The following NF1 variants were observed in gnomAD, a reference collection of about 807,000 sequenced individuals.
The protein encoded by NF1 is neurofibromin.
Under a neutral mutation model 325.7 loss-of-function variants are expected in NF1, and 122 were observed. The observed-to-expected ratio is 0.37, with a 90% CI of 0.32 to 0.44. The LOEUF is 0.44. NF1 is among the 20% of genes least tolerant of loss of function. The pLI is 1.00. For synonymous variants in NF1, 1,091 were observed against 1,186.0 expected (o/e 0.92, Z 1.65); for missense variants, 2,140 against 3,415.4 (o/e 0.63, Z 9.31).
At chr17:31,246,875 C>A (rs886853899) in intron 29 of NF1, among the ~76,000 whole-genome samples, 2 of 152,084 alleles carry the variant, frequency 1.3e-5, no homozygotes. Context: ...ATCACAACAT[C>A]AGAGTTTAGA....
At chr17:31,144,899 A>C (rs1202836252) in intron 1 of NF1, among the ~76,000 whole-genome samples, 1 of 152,250 alleles carries the variant, frequency 6.6e-6, no homozygotes, top group African/African-American at 2.4e-5. Flanking sequence ...TTATTGCGGG[A>C]AAGCATGTGG....
chr17:31,235,421 A>G (rs1279926660), intron 27 of NF1, among the ~76,000 whole-genome samples, 190 bp from the exon 28 acceptor site: 2 of 152,224 alleles, frequency 1.3e-5, no homozygotes, highest in Middle Eastern at 3.2e-3. Context: ...TATCATAGAC[A>G]TTGTATATAG....
intron 8 of NF1, among the ~76,000 whole-genome samples, chr17:31,192,015 A>G (rs1405488949): frequency 6.6e-6 from 1 of 152,148 alleles, no homozygotes; most frequent in African/African-American, 2.4e-5. Context: ...GTAATCCTAC[A>G]TTTTTAGTCT....
chr17:31,221,082 C>G (rs971661513), intron 14 of NF1, among the ~76,000 whole-genome samples: 4 of 151,946 alleles, frequency 2.6e-5, no homozygotes, highest in Admixed American at 2.0e-4. Context: ...TTCACAGTTT[C>G]TGCTGGGTTG....
At chr17:31,237,155 A>T (rs1490281170) in intron 29 of NF1, among the ~76,000 whole-genome samples, 1 of 152,170 alleles carries the variant, frequency 6.6e-6, no homozygotes, top group African/African-American at 2.4e-5. Flanking sequence ...ACTGTGTATC[A>T]GTTGATATTT....
intron 1 of NF1, among the ~76,000 whole-genome samples, chr17:31,100,952 A>G (rs1912271042): frequency 6.6e-6 from 1 of 152,074 alleles, no homozygotes; most frequent in African/African-American, 2.4e-5. Context: ...TCTGTCTGGG[A>G]ACTAATTTAG....
At chr17:31,296,702 T>C in intron 36 of NF1, 1 of 255,062 alleles carries the variant, frequency 3.9e-6, no homozygotes, top group South Asian at 5.2e-5. Context: ...ATTACTATTT[T>C]TGATGATATG....
At chr17:31,316,583 G>C (rs1645444979) in intron 36 of NF1, among the ~76,000 whole-genome samples, 1 of 152,114 alleles carries the variant, frequency 6.6e-6, no homozygotes, top group Non-Finnish European at 1.5e-5. Flanking sequence ...GGAGTGCTTT[G>C]TGTTACTCCT....
intron 5 of NF1, among the ~76,000 whole-genome samples, chr17:31,170,946 A>G (rs2065919234): frequency 6.6e-6 from 1 of 152,198 alleles, no homozygotes; most frequent in South Asian, 2.1e-4. Context: ...GAATTGTCAA[A>G]CAATAATATT....
chr17:31,174,870 G>A (rs1243790836), intron 5 of NF1, among the ~76,000 whole-genome samples: 1 of 152,070 alleles, frequency 6.6e-6, no homozygotes, highest in Non-Finnish European at 1.5e-5. Context: ...CAGCACTTTG[G>A]GAGGCCTACG....
At chr17:31,247,056 G>A (rs771866678) in intron 29 of NF1, among the ~76,000 whole-genome samples, 5 of 151,912 alleles carry the variant, frequency 3.3e-5, no homozygotes, top group African/African-American at 9.7e-5. Context: ...TTACCTGGGC[G>A]TGGTGGTGGT....
chr17:31,272,926 T>A (rs2067930100), intron 36 of NF1, among the ~76,000 whole-genome samples: 1 of 152,220 alleles, frequency 6.6e-6, no homozygotes, highest in Non-Finnish European at 1.5e-5. Flanking sequence ...GTTGTCAACA[T>A]CTGCTGACAC....
At chr17:31,126,183 C>A (rs1190563505) in intron 1 of NF1, among the ~76,000 whole-genome samples, 1 of 150,612 alleles carries the variant, frequency 6.6e-6, no homozygotes, top group Non-Finnish European at 1.5e-5. Context: ...AGCGACACTT[C>A]GTCTAAAAAA....
At chr17:31,142,459 T>C (rs949908810) in intron 1 of NF1, among the ~76,000 whole-genome samples, 5 of 152,226 alleles carry the variant, frequency 3.3e-5, no homozygotes, top group African/African-American at 1.2e-4. Context: ...GGTTTTTTCC[T>C]CCTCATTCTA....
At chr17:31,105,422 G>A (rs892427328) in intron 1 of NF1, among the ~76,000 whole-genome samples, 19 of 152,168 alleles carry the variant, frequency 1.2e-4, no homozygotes, top group African/African-American at 4.1e-4. Flanking sequence ...TGGCACTCAC[G>A]GTTTGGCTTA....
At chr17:31,169,862 A>C in intron 4 of NF1, 29 bp from the exon 5 acceptor site, 1 of 1,470,810 alleles carries the variant, frequency 6.8e-7, no homozygotes, top group Middle Eastern at 1.8e-4. Flanking sequence ...ACTTAATTTG[A>C]TAAGTTAATT....
At chr17:31,167,838 C>T (rs1385518514) in intron 4 of NF1, among the ~76,000 whole-genome samples, 1 of 152,072 alleles carries the variant, frequency 6.6e-6, no homozygotes, top group East Asian at 1.9e-4. Context: ...ACTTCATATT[C>T]AACATAGGAG....
intron 57 of NF1, among the ~76,000 whole-genome samples, chr17:31,363,749 T>C (rs28667674): frequency 0.011 from 1,567 of 140,768 alleles, 31 homozygotes; most frequent in African/African-American, 0.039. Context: ...TTTTTTTTTT[T>C]CCCCCTTTGG....
At chr17:31,209,514 T>C (rs1024242883) in intron 12 of NF1, among the ~76,000 whole-genome samples, 9 of 152,238 alleles carry the variant, frequency 5.9e-5, no homozygotes, top group Non-Finnish European at 1.3e-4. Context: ...CTCTATAGAA[T>C]ACTTCTGATT....
Sources: allele counts gnomAD v4.1 joint callset (sites outside exome capture counted in the v4.1 genomes callset), GRCh38; gene constraint gnomAD v4.1.1; transcripts MANE v1.5; gene names NCBI Gene and HGNC (gene_info 2026-07-23, HGNC 2026-07-21).